TNFSF4: variants seen among roughly 807,000 people sequenced by gnomAD.
TNFSF4 encodes TNF superfamily member 4, also known as tumor necrosis factor ligand superfamily member 4.
A neutral mutation model predicts 7.3 loss-of-function variants in TNFSF4; 4 were observed. The observed-to-expected ratio is 0.55, with a 90% CI of 0.27 to 1.25. The LOEUF (loss-of-function observed/expected upper bound fraction) is 1.25, where lower values mean the gene tolerates loss of function less well. Among genes scored for constraint, TNFSF4 ranks in the 50% most tolerant of loss-of-function variants. The pLI, the probability that TNFSF4 is intolerant of heterozygous loss-of-function variation, is 0.12. For missense variants in TNFSF4, 181 were observed against 208.8 expected (o/e 0.87, Z 0.82); for synonymous variants, 76 against 83.7 (o/e 0.91, Z 0.50).
chr1:173,249,205 A>G, the TNFSF4 span, among the ~76,000 whole-genome samples: 1 of 152,208 alleles, frequency 6.6e-6, no homozygotes, highest in African/African-American at 2.4e-5. Flanking sequence ...GGAAAATACT[A>G]GAGAGTGAGC....
the TNFSF4 span, among the ~76,000 whole-genome samples, chr1:173,243,155 C>T: frequency 1.2e-4 from 18 of 152,208 alleles, no homozygotes; most frequent in African/African-American, 4.3e-4. Flanking sequence ...TGGTAGTTCC[C>T]CTTAACTACT....
At chr1:173,216,612 T>A in the TNFSF4 span, among the ~76,000 whole-genome samples, 1 of 152,060 alleles carries the variant, frequency 6.6e-6, no homozygotes, top group Non-Finnish European at 1.5e-5. Flanking sequence ...TGAGCCATGA[T>A]TTTCTCTCTC....
the TNFSF4 span, chr1:173,362,568 T>G: frequency 1.9e-6 from 1 of 531,534 alleles, no homozygotes; most frequent in East Asian, 5.1e-5. Context: ...ATTCTCACAC[T>G]AAGTTGTCTT....
At chr1:173,402,514 G>A in the TNFSF4 span, among the ~76,000 whole-genome samples, 4 of 152,280 alleles carry the variant, frequency 2.6e-5, no homozygotes, top group Non-Finnish European at 5.9e-5. Context: ...AATATGCCCT[G>A]GGCCATGCTC....
At chr1:173,312,241 T>C in the TNFSF4 span, among the ~76,000 whole-genome samples, 1 of 152,250 alleles carries the variant, frequency 6.6e-6, no homozygotes, top group South Asian at 2.1e-4. Context: ...CACCTTGACA[T>C]AACTTGTTAA....
At chr1:173,283,927 C>CAAA in the TNFSF4 span, among the ~76,000 whole-genome samples, 6 of 62,408 alleles carry the variant, frequency 9.6e-5, no homozygotes, top group African/African-American at 1.8e-4. Flanking sequence ...CTTATGAATG[C>CAAA]AAAAAAAAAA....
At chr1:173,319,717 G>T in the TNFSF4 span, among the ~76,000 whole-genome samples, 1 of 152,124 alleles carries the variant, frequency 6.6e-6, no homozygotes, top group Non-Finnish European at 1.5e-5. Flanking sequence ...AGGGAAACAG[G>T]GTCTGAAGTG....
chr1:173,369,618 C>A, the TNFSF4 span, among the ~76,000 whole-genome samples: 2 of 152,114 alleles, frequency 1.3e-5, no homozygotes, highest in African/African-American at 4.8e-5. Flanking sequence ...TCAACAGGCT[C>A]ACCCTTGAAA....
At chr1:173,186,993 G>A in intron 2 of TNFSF4, 128 bp from the exon 3 acceptor site, 1 of 648,662 alleles carries the variant, frequency 1.5e-6, no homozygotes. Flanking sequence ...AGTAAAAGCA[G>A]TGAGCCAAGA....
chr1:173,394,542 T>C, the TNFSF4 span, among the ~76,000 whole-genome samples: 1 of 152,212 alleles, frequency 6.6e-6, no homozygotes. Context: ...TTTGAATCTG[T>C]GGACTAAGTA....
chr1:173,261,261 G>T, the TNFSF4 span, among the ~76,000 whole-genome samples: 2 of 152,098 alleles, frequency 1.3e-5, no homozygotes, highest in Non-Finnish European at 2.9e-5. Flanking sequence ...GCAGAAATCA[G>T]AAAGTTCTTT....
chr1:173,248,042 T>C, the TNFSF4 span, among the ~76,000 whole-genome samples: 1 of 152,142 alleles, frequency 6.6e-6, no homozygotes, highest in Admixed American at 6.5e-5. Flanking sequence ...GTGAGTGTTC[T>C]AGATAGATAG....
chr1:173,398,616 C>T, the TNFSF4 span, among the ~76,000 whole-genome samples: 4 of 151,752 alleles, frequency 2.6e-5, no homozygotes, highest in African/African-American at 4.8e-5. Context: ...TTAGTAGAGA[C>T]GAGGTTTCAC....
chr1:173,394,603 G>A, the TNFSF4 span, among the ~76,000 whole-genome samples: 1 of 152,164 alleles, frequency 6.6e-6, no homozygotes, highest in African/African-American at 2.4e-5. Flanking sequence ...TCTATTGAGG[G>A]CATGAATAAA....
the TNFSF4 span, among the ~76,000 whole-genome samples, chr1:173,269,156 C>T: frequency 1.3e-5 from 2 of 152,006 alleles, no homozygotes; most frequent in African/African-American, 4.8e-5. Flanking sequence ...TTTCTAAAAG[C>T]TCTATTGAAA....
chr1:173,379,739 G>C, the TNFSF4 span, among the ~76,000 whole-genome samples: 1 of 152,180 alleles, frequency 6.6e-6, no homozygotes. Flanking sequence ...ACAAACCTTG[G>C]TGGTTCAGAG....
At chr1:173,429,200 A>G in the TNFSF4 span, among the ~76,000 whole-genome samples, 6 of 152,134 alleles carry the variant, frequency 3.9e-5, no homozygotes, top group African/African-American at 1.4e-4. Context: ...TCATGTTAAA[A>G]CATTTCTTTA....
chr1:173,253,355 C>T, the TNFSF4 span, among the ~76,000 whole-genome samples: 719 of 152,208 alleles, frequency 4.7e-3, 8 homozygotes, highest in African/African-American at 0.016. Flanking sequence ...AGAAGAAAGC[C>T]GGCAGAAGCT....
chr1:173,421,752 C>CCAG, the TNFSF4 span, among the ~76,000 whole-genome samples: 1 of 152,088 alleles, frequency 6.6e-6, no homozygotes, highest in Non-Finnish European at 1.5e-5. Context: ...AAGGCTACCT[C>CCAG]TAGTAAACTG....
Sources: allele counts gnomAD v4.1 joint callset (sites outside exome capture counted in the v4.1 genomes callset), GRCh38; gene constraint gnomAD v4.1.1; transcripts MANE v1.5; gene names NCBI Gene and HGNC (gene_info 2026-07-23, HGNC 2026-07-21).